GALNT13: variants seen among roughly 807,000 people sequenced by gnomAD.
GALNT13 encodes the protein polypeptide N-acetylgalactosaminyltransferase 13.
GALNT13 carries 28 observed loss-of-function variants against 64.2 expected under a neutral mutation model. The ratio of observed to expected loss-of-function variants is 0.44; its 90% CI spans 0.32 to 0.60. The LOEUF (loss-of-function observed/expected upper bound fraction) is 0.60, where lower values mean the gene tolerates loss of function less well. Ranked by LOEUF, GALNT13 falls within the 20% of genes least tolerant of loss-of-function variation. The probability of loss-of-function intolerance (pLI) is 0.05; values close to 1 mark genes in which losing one functional copy is unlikely to be tolerated. For synonymous variants in GALNT13, 214 were observed against 224.6 expected (o/e 0.95, Z 0.42); for missense variants, 577 against 669.8 (o/e 0.86, Z 1.53).
chr2:153,098,789 T>C, the GALNT13 span, among the ~76,000 whole-genome samples: 1 of 152,162 alleles, frequency 6.6e-6, no homozygotes, highest in Admixed American at 6.5e-5. Flanking sequence ...CTGAGTCGAA[T>C]TCCTAAGCCA....
At chr2:153,425,632 T>C in the GALNT13 span, among the ~76,000 whole-genome samples, 3 of 151,964 alleles carry the variant, frequency 2.0e-5, no homozygotes, top group African/African-American at 4.8e-5. Flanking sequence ...ATTAAGTCTA[T>C]GAGAAAATGA....
intron 9 of GALNT13, among the ~76,000 whole-genome samples, chr2:154,379,301 A>G (rs562193178): frequency 1.1e-3 from 172 of 152,102 alleles, no homozygotes; most frequent in African/African-American, 3.9e-3. Context: ...AGCTTTCTCT[A>G]CTTTTTTTTA....
the GALNT13 span, among the ~76,000 whole-genome samples, chr2:153,360,362 C>T: frequency 6.0e-4 from 92 of 152,354 alleles, no homozygotes; most frequent in African/African-American, 2.1e-3. Flanking sequence ...AGATTCTCAA[C>T]AGCCACTCAG....
chr2:153,715,247 G>A, the GALNT13 span, among the ~76,000 whole-genome samples: 1 of 152,222 alleles, frequency 6.6e-6, no homozygotes, highest in Non-Finnish European at 1.5e-5. Context: ...GGGTATTTTT[G>A]TGTGCCTAAG....
the GALNT13 span, among the ~76,000 whole-genome samples, chr2:153,853,298 T>G: frequency 6.6e-6 from 1 of 152,108 alleles, no homozygotes; most frequent in South Asian, 2.1e-4. Context: ...GTTAATCTCC[T>G]TTGGCAACAC....
chr2:153,964,627 A>G (rs1418070098), intron 3 of GALNT13, among the ~76,000 whole-genome samples: 1 of 152,072 alleles, frequency 6.6e-6, no homozygotes. Context: ...ATTGTTACAG[A>G]CTGAATCTTC....
chr2:154,304,646 C>G (rs2105106431), intron 9 of GALNT13, among the ~76,000 whole-genome samples: 1 of 152,170 alleles, frequency 6.6e-6, no homozygotes, highest in East Asian at 1.9e-4. Context: ...AAATGAATAA[C>G]TTTAGAATGT....
At chr2:153,263,982 A>G in the GALNT13 span, among the ~76,000 whole-genome samples, 2 of 152,218 alleles carry the variant, frequency 1.3e-5, no homozygotes, top group African/African-American at 4.8e-5. Context: ...CTGCACAGAA[A>G]ACAAAGCTAT....
chr2:154,310,941 C>CATATATATTCATAGAATATTCTATGA lies in GALNT13; in HGVS notation c.1156+9375_1156+9376insTGAATATATATTCATAGAATATTCTA, dbSNP rs1559083375. On this transcript the variant is annotated intron_variant, in intron 9 of 12. Transcript: ENST00000392825. ...CAAACAATTAGCTGTTATTATTATT[C>CATATATATTCATAGAATATTCTATGA]ATATATATTCATAGAATATTCTAAG... 1.5e-3 allele frequency among the ~76,000 whole-genome samples: 195 copies of CATATATATTCATAGAATATTCTATGA among 129,514 alleles called. 2 individuals are homozygous for CATATATATTCATAGAATATTCTATGA. The highest frequency in any genetic ancestry group is 5.4e-3 in the African/African-American group (177 of 32,646). 85.0% of individuals were successfully genotyped at this position (129,514 alleles called of 152,430 possible). A position where few individuals can be genotyped will look rare whatever the true frequency, so the allele number is the denominator to read the frequency against.
chr2:153,440,218 G>C, the GALNT13 span, among the ~76,000 whole-genome samples: 1 of 151,494 alleles, frequency 6.6e-6, no homozygotes, highest in African/African-American at 2.4e-5. Flanking sequence ...TTCTGTTCCT[G>C]TGTTAGTTTG....
chr2:153,367,223 G>A, the GALNT13 span, among the ~76,000 whole-genome samples: 542 of 152,106 alleles, frequency 3.6e-3, 3 homozygotes, highest in African/African-American at 0.012. Flanking sequence ...GTGATGCATT[G>A]CATGTTTATA....
chr2:154,341,752 T>C (rs1695785101), intron 9 of GALNT13, among the ~76,000 whole-genome samples: 2 of 152,024 alleles, frequency 1.3e-5, no homozygotes, highest in South Asian at 4.1e-4. Context: ...TAACTTAAGT[T>C]GTAAGAAATC....
At chr2:154,102,219 A>G (rs538914847) in intron 3 of GALNT13, among the ~76,000 whole-genome samples, 129 of 152,216 alleles carry the variant, frequency 8.5e-4, no homozygotes, top group Non-Finnish European at 1.5e-3. Context: ...TCTCTCTATG[A>G]TAATCTATCT....
intron 3 of GALNT13, among the ~76,000 whole-genome samples, chr2:154,115,970 C>G (rs140528849): frequency 6.6e-6 from 1 of 152,068 alleles, no homozygotes; most frequent in African/African-American, 2.4e-5. Context: ...TCTAGGAGCC[C>G]GCTGGGACTC....
intron 3 of GALNT13, among the ~76,000 whole-genome samples, chr2:154,021,600 G>C (rs1311734158): frequency 6.6e-6 from 1 of 151,584 alleles, no homozygotes; most frequent in African/African-American, 2.4e-5. Flanking sequence ...GGAGATTTTG[G>C]GCTGAGACAT....
intron 11 of GALNT13, among the ~76,000 whole-genome samples, chr2:154,424,092 G>A (rs1408309963): frequency 6.6e-6 from 1 of 152,172 alleles, no homozygotes. Context: ...ATCAGAGTAG[G>A]CTGAGGGCAT....
the GALNT13 span, among the ~76,000 whole-genome samples, chr2:153,697,362 A>G: frequency 6.6e-6 from 1 of 152,202 alleles, no homozygotes; most frequent in Non-Finnish European, 1.5e-5. Flanking sequence ...TATTTACCAC[A>G]GCCAGATAAG....
chr2:154,171,162 A>G (rs1335359698), intron 4 of GALNT13, among the ~76,000 whole-genome samples: 1 of 152,148 alleles, frequency 6.6e-6, no homozygotes, highest in East Asian at 1.9e-4. Context: ...TTCAGACCAA[A>G]CAAATACATG....
At chr2:153,661,124 C>T in the GALNT13 span, among the ~76,000 whole-genome samples, 1 of 152,108 alleles carries the variant, frequency 6.6e-6, no homozygotes, top group Non-Finnish European at 1.5e-5. Flanking sequence ...TCTAACCTGG[C>T]TTTGCCACTA....
Sources: gnomAD v4.1 joint callset for allele counts (sites outside exome capture counted in the v4.1 genomes callset) on GRCh38, gnomAD v4.1.1 for gene constraint, MANE v1.5 for transcripts, NCBI Gene and HGNC (gene_info 2026-07-23, HGNC 2026-07-21) for gene names.